Variants in ZBTB37 observed in about 807,000 individuals in gnomAD.
ZBTB37 encodes the protein zinc finger and BTB domain containing 37.
ZBTB37 carries 15 observed loss-of-function variants against 37.7 expected under a neutral mutation model. The observed-to-expected ratio is 0.40, with a 90% CI of 0.27 to 0.61. The LOEUF is 0.61. Among genes scored for constraint, ZBTB37 ranks in the 20% least tolerant of loss-of-function variants. The pLI, the probability that ZBTB37 is intolerant of heterozygous loss-of-function variation, is 0.44. For synonymous variants in ZBTB37, 231 were observed against 220.6 expected (o/e 1.05, Z -0.42); for missense variants, 514 against 641.9 (o/e 0.80, Z 2.15).
At chr1:173,873,057 C>T (rs1159692947) in intron 3 of ZBTB37, among the ~76,000 whole-genome samples, 1 of 151,804 alleles carries the variant, frequency 6.6e-6, no homozygotes, top group African/African-American at 2.4e-5. Flanking sequence ...TTTTTAATCT[C>T]CATGATCTAT....
chr1:173,870,063 A>C (rs568892585), intron 2 of ZBTB37, 137 bp from the exon 3 acceptor site: 1 of 606,508 alleles, frequency 1.6e-6, no homozygotes, highest in Admixed American at 3.5e-5. Flanking sequence ...CCACATCTAA[A>C]TATAAGGAAG....
At chr1:173,875,651 T>G (rs1655924396) in intron 4 of ZBTB37, among the ~76,000 whole-genome samples, 1 of 151,858 alleles carries the variant, frequency 6.6e-6, no homozygotes, top group African/African-American at 2.4e-5. Context: ...GTAAACAAAT[T>G]GCTTATGCTT....
At chr1:173,894,431 T>TTA (rs879472219) in exon 4 of ZBTB37, 71,650 of 151,602 alleles carry the variant, frequency 0.47, 19,920 homozygotes, top group African/African-American at 0.77. Context: ...AGATGATCGA[T>TTA]CTTACATACC....
At chr1:173,885,324 G>A (rs1390366674) in intron 4 of ZBTB37, among the ~76,000 whole-genome samples, 2 of 152,210 alleles carry the variant, frequency 1.3e-5, no homozygotes, top group African/African-American at 2.4e-5. Context: ...CCAGGGTATA[G>A]TATAAGTGGG....
intron 4 of ZBTB37, 24 bp from the exon 5 acceptor site, chr1:173,885,612 G>C: frequency 6.6e-7 from 1 of 1,510,276 alleles, no homozygotes; most frequent in Non-Finnish European, 8.9e-7. Flanking sequence ...GTTCTTTCTT[G>C]GTTATTTTCC....
At chr1:173,874,914 A>T (rs963687285) in intron 4 of ZBTB37, among the ~76,000 whole-genome samples, 2 of 151,548 alleles carry the variant, frequency 1.3e-5, no homozygotes, top group African/African-American at 4.8e-5. Flanking sequence ...TTTTTTTTTA[A>T]AATTCTTGCT....
exon 3 of ZBTB37, chr1:173,870,775 A>G (rs1447905262): frequency 1.9e-6 from 3 of 1,614,254 alleles, no homozygotes; most frequent in Admixed American, 1.7e-5. Flanking sequence ...TGTGCTGGAT[A>G]TCAGAGAGCT....
chr1:173,890,422 C>T (rs1056365604), downstream of ZBTB37: 8 of 151,990 alleles, frequency 5.3e-5, no homozygotes, highest in Admixed American at 1.3e-4. Context: ...TTTTCAGGTA[C>T]AAGAGGCATG....
At chr1:173,883,276 C>T (rs528435251) in intron 4 of ZBTB37, among the ~76,000 whole-genome samples, 265 of 152,204 alleles carry the variant, frequency 1.7e-3, no homozygotes, top group Non-Finnish European at 3.0e-3. Flanking sequence ...GTCGGGAGTT[C>T]GAGATCAGCC....
At chr1:173,874,255 C>CA (rs1285477473) in intron 4 of ZBTB37, among the ~76,000 whole-genome samples, 1,008 of 46,368 alleles carry the variant, frequency 0.022, 8 homozygotes, top group Non-Finnish European at 0.029. Context: ...AACTCCGTCT[C>CA]AAAAAAAAAA....
exon 4 of ZBTB37, chr1:173,892,003 G>A (rs1246088690): frequency 2.0e-5 from 3 of 152,088 alleles, no homozygotes; most frequent in Admixed American, 6.6e-5. Context: ...TTGGATATTA[G>A]GAAGTTTTAT....
At chr1:173,899,792 T>C (rs929927309) in exon 4 of ZBTB37, 2 of 152,202 alleles carry the variant, frequency 1.3e-5, no homozygotes, top group African/African-American at 4.8e-5. Context: ...TGATATTCCA[T>C]GCATGGCTCT....
At chr1:173,886,355 A>G in exon 5 of ZBTB37, 1 of 617,610 alleles carries the variant, frequency 1.6e-6, no homozygotes, top group East Asian at 3.0e-5. Context: ...TCAACTTTCT[A>G]ATTCAGGGAT....
intron 1 of ZBTB37, chr1:173,868,710 G>C (rs977889046): frequency 6.6e-6 from 1 of 152,542 alleles, no homozygotes. Flanking sequence ...GCCCGCCGCC[G>C]CCTGGAGCCG....
At chr1:173,882,639 A>G (rs1656400630) in intron 4 of ZBTB37, among the ~76,000 whole-genome samples, 1 of 152,152 alleles carries the variant, frequency 6.6e-6, no homozygotes, top group South Asian at 2.1e-4. Flanking sequence ...TGTTTTAGTC[A>G]TGATGTCCTT....
At position 173,870,695 on chromosome 1, in the gene ZBTB37, C is replaced by T; in HGVS notation, c.470C>T (p.Pro157Leu). 1.9e-6 allele frequency: 3 copies of T among 1,614,136 alleles called. No individual in the cohort carries two copies. In the South Asian group the frequency reaches 3.3e-5, roughly 18 times the overall value. ...CCTCCAGAGTCTCACAGGGTTACAC[C>T]AAATCTCAACCGCTCCCTTAGCCCA... Residue 157 changes from proline to leucine, a missense_variant, in exon 3 of 5, where the codon CCA (proline) becomes CTA (leucine). This residue lies in a region of ZBTB37 where 323 missense variants were observed against 321.9 expected (regional missense o/e 1.00). Transcript: ENST00000427304.
At chr1:173,880,437 A>G (rs546714629) in intron 4 of ZBTB37, among the ~76,000 whole-genome samples, 4 of 152,356 alleles carry the variant, frequency 2.6e-5, no homozygotes, top group African/African-American at 4.8e-5. Flanking sequence ...GTCCATGTCA[A>G]GAATCTAGAC....
exon 3 of ZBTB37, chr1:173,870,722 G>A (rs140815439): frequency 5.6e-6 from 9 of 1,613,998 alleles, no homozygotes; most frequent in South Asian, 1.1e-5. Flanking sequence ...CTTAGCCCAC[G>A]ACATAATACC....
intron 4 of ZBTB37, among the ~76,000 whole-genome samples, chr1:173,875,361 T>C (rs1223990132): frequency 1.3e-5 from 2 of 150,436 alleles, no homozygotes; most frequent in African/African-American, 4.9e-5. Flanking sequence ...AGTCTTGCTC[T>C]GTCACCCAGG....
Sources: gnomAD v4.1 joint callset for allele counts (sites outside exome capture counted in the v4.1 genomes callset) on GRCh38, gnomAD v4.1.1 for gene constraint, gnomAD v4.1.1 regional missense constraint, MANE v1.5 for transcripts, NCBI Gene and HGNC (gene_info 2026-07-23, HGNC 2026-07-21) for gene names.